Variants in PROS1 observed in about 807,000 individuals in gnomAD.
PROS1 encodes the protein protein S, also known as vitamin K-dependent protein S.
In PROS1, 29 loss-of-function variants were observed where a neutral mutation model predicts 75.9. That is an observed-to-expected ratio of 0.38 (90% CI 0.28 to 0.52). The LOEUF is 0.52. PROS1 is among the 20% of genes least tolerant of loss of function. PROS1 has a pLI of 0.83. For missense variants in PROS1, 680 were observed against 810.3 expected, an observed-to-expected ratio of 0.84 and a Z score of 1.95; for synonymous variants, 245 against 280.6, an observed-to-expected ratio of 0.87 and a Z score of 1.27.
intron 13 of PROS1, among the ~76,000 whole-genome samples, chr3:93,877,997 G>T (rs2107126797): frequency 6.6e-6 from 1 of 152,234 alleles, no homozygotes; most frequent in South Asian, 2.1e-4. Context: ...AAAAGAGATT[G>T]TCAATAAAGA....
intron 14 of PROS1, among the ~76,000 whole-genome samples, 175 bp downstream of exon 14, chr3:93,876,791 C>A (rs1708196172): frequency 6.6e-6 from 1 of 151,682 alleles, no homozygotes; most frequent in South Asian, 2.1e-4. Flanking sequence ...TTAAACTAAA[C>A]AAAACAAAAC....
At chr3:93,888,029 A>T (rs1353080100) in intron 10 of PROS1, among the ~76,000 whole-genome samples, 5 of 152,222 alleles carry the variant, frequency 3.3e-5, no homozygotes, top group Non-Finnish European at 5.9e-5. Context: ...TCTTTTGAAC[A>T]TCACTGCTAG....
chr3:93,883,271 A>G (rs1708298140), intron 12 of PROS1, among the ~76,000 whole-genome samples: 1 of 152,158 alleles, frequency 6.6e-6, no homozygotes. Flanking sequence ...GAGGCGTATT[A>G]TGGAGGGAAT....
At chr3:93,899,764 C>T (rs547324698) in intron 7 of PROS1, among the ~76,000 whole-genome samples, 174 of 152,106 alleles carry the variant, frequency 1.1e-3, no homozygotes, top group African/African-American at 3.4e-3. Context: ...TAGAGGTTAC[C>T]GCCATCAAGG....
intron 1 of PROS1, among the ~76,000 whole-genome samples, chr3:93,955,069 G>A (rs1030369635): frequency 1.3e-5 from 2 of 152,138 alleles, no homozygotes; most frequent in African/African-American, 2.4e-5. Context: ...TAAAAAGTCA[G>A]GAAACAACAG....
At chr3:93,934,261 TTTAAAATA>T in intron 1 of PROS1, among the ~76,000 whole-genome samples, 1 of 149,922 alleles carries the variant, frequency 6.7e-6, no homozygotes, top group African/African-American at 2.5e-5. Flanking sequence ...CAAAAATGTA[TTTAAAATA>T]ATTACATTAA....
At chr3:93,965,049 C>T (rs547651985) in intron 1 of PROS1, among the ~76,000 whole-genome samples, 2 of 152,268 alleles carry the variant, frequency 1.3e-5, no homozygotes, top group East Asian at 3.9e-4. Context: ...TAGGCAAAAA[C>T]AGGAGGTAAA....
chr3:93,884,969 T>C, intron 11 of PROS1, 73 bp from the exon 12 acceptor site: 16 of 1,244,886 alleles, frequency 1.3e-5, no homozygotes, highest in Non-Finnish European at 1.1e-6. Context: ...GTATAGGTTT[T>C]CATTAAGAGA....
At position 93,916,629 on chromosome 3, in the gene PROS1, G is replaced by T. The variant is rs565139685; in HGVS notation, c.260-5924C>A. On this transcript the variant is annotated intron_variant, in intron 3 of 14. Coordinates refer to ENST00000394236, the MANE Select transcript of PROS1 (RefSeq NM_000313.4). ...AAAAATTGAGGAGGGTAAACAGGAAGGTGAAAGTTGGAGGGAGATTGTCTC... is the reference window on the plus strand; with the variant it reads ...AAAAATTGAGGAGGGTAAACAGGAATGTGAAAGTTGGAGGGAGATTGTCTC... Among the ~76,000 whole-genome samples, 124 of 152,244 alleles carry T rather than the reference G, an allele frequency of 8.1e-4. 1 individual carries two copies. Among genetic ancestry groups the T allele is most frequent in the Non-Finnish European group, 4.1e-4 (28 of 68,016 alleles).
At position 93,906,159 on chromosome 3, in the gene PROS1, A is replaced by G. The variant is rs1421984364; in HGVS notation, c.347-16T>C. The G allele has an allele frequency of 3.1e-6, 5 of 1,611,348 alleles. No homozygotes were observed. The highest frequency in any genetic ancestry group is 4.2e-6 in the Non-Finnish European group (5 of 1,179,046). On this transcript the variant is annotated splice_polypyrimidine_tract_variant and intron_variant, in intron 4 of 14. Coordinates refer to ENST00000394236, the MANE Select transcript of PROS1 (RefSeq NM_000313.4). ...TCTGGAATGGCTGAAGGAAATAGAC[A>G]TCTATTTATTTTTTTTATCTCATGT...
At chr3:93,935,590 A>T (rs529490617) in intron 1 of PROS1, among the ~76,000 whole-genome samples, 1 of 152,284 alleles carries the variant, frequency 6.6e-6, no homozygotes, top group South Asian at 2.1e-4. Context: ...TAGCCCCTAG[A>T]TCCCTGAAAT....
chr3:93,915,779 CT>C (rs769516967), intron 3 of PROS1, among the ~76,000 whole-genome samples: 5 of 151,174 alleles, frequency 3.3e-5, no homozygotes, highest in East Asian at 1.9e-4. Context: ...TGCATGTCTT[CT>C]TTTTTTTTGA....
chr3:93,925,732 G>A (rs1709006572), intron 2 of PROS1, among the ~76,000 whole-genome samples: 2 of 151,152 alleles, frequency 1.3e-5, no homozygotes, highest in Admixed American at 6.6e-5. Flanking sequence ...GCTGAGACGG[G>A]AGGATTGCCT....
In PROS1 at chr3:93,893,186, T is replaced by C. The variant is rs1708457863; in HGVS notation, c.966-64A>G. On this transcript the variant is annotated intron_variant, in intron 9 of 14. Transcript: ENST00000394236. ...ATACAGAAAGCTCAATGCATTATTC[T>C]TTTTTTCTTGTACTGACAAACAGTA... 2.1e-6 allele frequency: 3 copies of C among 1,405,286 alleles called. No individual in the cohort carries two copies. In the African/African-American group the frequency reaches 4.3e-5, roughly 20 times the overall value. 87.1% of individuals were successfully genotyped at this position (1,405,286 alleles called of 1,614,324 possible).
chr3:93,878,495 C>T (rs112977452), intron 13 of PROS1, among the ~76,000 whole-genome samples: 148 of 152,310 alleles, frequency 9.7e-4, no homozygotes, highest in African/African-American at 3.5e-3. Context: ...CAGCTTCTTG[C>T]TGTAACTTGT....
At chr3:93,942,993 C>T (rs757666628) in intron 1 of PROS1, among the ~76,000 whole-genome samples, 7 of 152,146 alleles carry the variant, frequency 4.6e-5, no homozygotes, top group Admixed American at 2.6e-4. Flanking sequence ...AAGGCCTTTC[C>T]CTCAGGGTCT....
At chr3:93,877,697 G>A (rs1708212113) in intron 13 of PROS1, among the ~76,000 whole-genome samples, 1 of 152,184 alleles carries the variant, frequency 6.6e-6, no homozygotes, top group South Asian at 2.1e-4. Flanking sequence ...AAAAACCAGG[G>A]ATTGCCACCA....
At chr3:93,901,312 G>T (rs532782412) in intron 6 of PROS1, among the ~76,000 whole-genome samples, 5 of 152,154 alleles carry the variant, frequency 3.3e-5, no homozygotes, top group Admixed American at 2.0e-4. Context: ...TGTTTCTTTG[G>T]AAATGAACAA....
intron 9 of PROS1, among the ~76,000 whole-genome samples, chr3:93,895,475 T>G (rs1361763594): frequency 2.6e-5 from 4 of 152,224 alleles, no homozygotes; most frequent in East Asian, 1.9e-4. Flanking sequence ...TTATTGATCT[T>G]AGAATAATTT....
Sources: allele counts gnomAD v4.1 joint callset (sites outside exome capture counted in the v4.1 genomes callset), GRCh38; gene constraint gnomAD v4.1.1; transcripts MANE v1.5; gene names NCBI Gene and HGNC (gene_info 2026-07-23, HGNC 2026-07-21).